CADPS2: variants seen among roughly 807,000 people sequenced by gnomAD.
The protein encoded by CADPS2 is calcium-dependent secretion activator 2.
In CADPS2, 93 loss-of-function variants were observed where a neutral mutation model predicts 172.5. The observed-to-expected ratio is 0.54, with a 90% CI of 0.46 to 0.64. CADPS2 has a LOEUF of 0.64. Among genes scored for constraint, CADPS2 ranks in the 30% least tolerant of loss-of-function variants. The pLI is 0.00. For synonymous variants in CADPS2, 546 were observed against 555.2 expected (o/e 0.98, Z 0.23); for missense variants, 1,420 against 1,565.9 (o/e 0.91, Z 1.57).
At chr7:122,527,617 A>T (rs1860483) in intron 8 of CADPS2, among the ~76,000 whole-genome samples, 2,458 of 83,840 alleles carry the variant, frequency 0.029, 41 homozygotes, top group Admixed American at 0.042. Context: ...AGAGAGAGAG[A>T]GTGTGTGTGT....
chr7:122,845,296 A>C (rs1811687735), intron 1 of CADPS2, among the ~76,000 whole-genome samples: 1 of 152,302 alleles, frequency 6.6e-6, no homozygotes, highest in African/African-American at 2.4e-5. Context: ...TTATTCTAAG[A>C]GCAACCTCAC....
intron 1 of CADPS2, among the ~76,000 whole-genome samples, chr7:122,842,475 C>A (rs1414982265): frequency 1.3e-5 from 2 of 152,142 alleles, no homozygotes; most frequent in Non-Finnish European, 2.9e-5. Context: ...GATGCCTTCT[C>A]CTATTTCCTC....
chr7:122,648,307 G>T (rs2078775813), intron 3 of CADPS2, among the ~76,000 whole-genome samples: 1 of 151,954 alleles, frequency 6.6e-6, no homozygotes, highest in Admixed American at 6.6e-5. Flanking sequence ...ATGTCCCATG[G>T]TTTAAAATAC....
At chr7:122,412,523 T>C (rs898593617) in intron 19 of CADPS2, among the ~76,000 whole-genome samples, 4 of 152,360 alleles carry the variant, frequency 2.6e-5, no homozygotes, top group Admixed American at 1.3e-4. Flanking sequence ...GAACTCTCAC[T>C]GTCCAGGCTC....
intron 2 of CADPS2, among the ~76,000 whole-genome samples, chr7:122,682,102 T>A (rs2083115016): frequency 6.6e-6 from 1 of 152,180 alleles, no homozygotes; most frequent in Non-Finnish European, 1.5e-5. Flanking sequence ...CAACAGCAAA[T>A]ACTCCTTAAC....
intron 1 of CADPS2, among the ~76,000 whole-genome samples, chr7:122,869,577 A>T (rs900555784): frequency 6.6e-6 from 1 of 152,092 alleles, no homozygotes; most frequent in African/African-American, 2.4e-5. Flanking sequence ...CAAAAAAAAA[A>T]TGCTAAAATG....
intron 1 of CADPS2, among the ~76,000 whole-genome samples, chr7:122,850,918 A>G (rs1344077478): frequency 6.6e-6 from 1 of 152,168 alleles, no homozygotes; most frequent in Non-Finnish European, 1.5e-5. Flanking sequence ...TGTTCACCCT[A>G]GCAATATTCT....
At chr7:122,708,655 A>G (rs1175126561) in intron 2 of CADPS2, among the ~76,000 whole-genome samples, 1 of 151,034 alleles carries the variant, frequency 6.6e-6, no homozygotes, top group Non-Finnish European at 1.5e-5. Flanking sequence ...GAATATGATC[A>G]AATCCATTTA....
At chr7:122,590,750 C>T (rs1020527002) in intron 6 of CADPS2, among the ~76,000 whole-genome samples, 3 of 151,418 alleles carry the variant, frequency 2.0e-5, no homozygotes, top group African/African-American at 7.3e-5. Context: ...ACAAATAGCT[C>T]CAATATAATC....
At chr7:122,603,580 T>C (rs1003023106) in intron 6 of CADPS2, among the ~76,000 whole-genome samples, 1 of 152,008 alleles carries the variant, frequency 6.6e-6, no homozygotes, top group Admixed American at 6.6e-5. Context: ...ACTCACAAAA[T>C]AGTCCTTGAA....
chr7:122,327,224 C>T (rs1356979986), intron 28 of CADPS2, among the ~76,000 whole-genome samples: 1 of 152,054 alleles, frequency 6.6e-6, no homozygotes, highest in Non-Finnish European at 1.5e-5. Context: ...ACACTAAATT[C>T]TATGCTACTT....
chr7:122,579,379 A>G (rs1563761454), intron 7 of CADPS2, among the ~76,000 whole-genome samples: 1 of 151,104 alleles, frequency 6.6e-6, no homozygotes, highest in Non-Finnish European at 1.5e-5. Flanking sequence ...TGTAATAGAT[A>G]GAAAAGTTGT....
At position 122,575,440 on chromosome 7, in the gene CADPS2, TC is replaced by T. The variant is rs1326194095; in HGVS notation, c.1335+5738del. 6.6e-5 allele frequency among the ~76,000 whole-genome samples: 10 copies of T among 151,650 alleles called. No individual in the cohort carries two copies. The East Asian group carries it at 1.9e-3, about 29-fold the overall frequency. ...CTTTTTCTTTTCTTTTCTCTTCTTT[TC>T]CTTTTTTTTTTTTGAAATGGAGTCT... is the stretch of plus-strand genomic sequence containing the variant. On this transcript the variant is annotated intron_variant, in intron 7 of 29. Transcript: ENST00000449022.
intron 1 of CADPS2, among the ~76,000 whole-genome samples, chr7:122,877,833 C>A (rs1821620197): frequency 6.6e-6 from 1 of 152,100 alleles, no homozygotes; most frequent in Non-Finnish European, 1.5e-5. Context: ...CATTTCGTCA[C>A]AACAGAAATC....
intron 7 of CADPS2, among the ~76,000 whole-genome samples, chr7:122,570,541 C>G (rs1343103136): frequency 2.7e-5 from 4 of 147,698 alleles, no homozygotes; most frequent in Non-Finnish European, 5.9e-5. Context: ...GGGTATATAC[C>G]CAAAGGACTA....
intron 2 of CADPS2, among the ~76,000 whole-genome samples, chr7:122,729,605 A>G (rs538921181): frequency 8.1e-5 from 12 of 148,382 alleles, no homozygotes; most frequent in Non-Finnish European, 1.8e-4. Context: ...TTATTTTTTC[A>G]TATACATGTT....
At chr7:122,670,326 C>T (rs2135534457) in intron 2 of CADPS2, among the ~76,000 whole-genome samples, 1 of 152,118 alleles carries the variant, frequency 6.6e-6, no homozygotes, top group African/African-American at 2.4e-5. Context: ...TGCTGGTATC[C>T]TAGCACTTTG....
At chr7:122,592,080 T>A (rs1450228769) in intron 6 of CADPS2, among the ~76,000 whole-genome samples, 1 of 152,000 alleles carries the variant, frequency 6.6e-6, no homozygotes, top group Non-Finnish European at 1.5e-5. Flanking sequence ...ATTTTTGCAA[T>A]CTACTCATCT....
chr7:122,583,615 T>C (rs2069160452), intron 6 of CADPS2, among the ~76,000 whole-genome samples: 1 of 150,926 alleles, frequency 6.6e-6, no homozygotes, highest in African/African-American at 2.4e-5. Context: ...ATGCATATGA[T>C]ATATACATAA....
Sources: gnomAD v4.1 joint callset for allele counts (sites outside exome capture counted in the v4.1 genomes callset) on GRCh38, gnomAD v4.1.1 for gene constraint, MANE v1.5 for transcripts, NCBI Gene and HGNC (gene_info 2026-07-23, HGNC 2026-07-21) for gene names.